The following TAFA2 variants were observed in gnomAD, a reference collection of about 807,000 sequenced individuals.
TAFA2 encodes the protein chemokine-like protein TAFA-2.
Under a neutral mutation model 18.8 loss-of-function variants are expected in TAFA2, and 7 were observed. The ratio of observed to expected loss-of-function variants is 0.37; its 90% CI spans 0.21 to 0.70. The LOEUF (loss-of-function observed/expected upper bound fraction) is 0.70, where lower values mean the gene tolerates loss of function less well. TAFA2 is among the 30% of genes least tolerant of loss of function. TAFA2 has a pLI of 0.53. For missense variants in TAFA2, 122 were observed against 158.1 expected (o/e 0.77, Z 1.23); for synonymous variants, 60 against 54.2 (o/e 1.11, Z -0.47).
At chr12:61,891,865 A>T (rs541423249) in intron 1 of TAFA2, among the ~76,000 whole-genome samples, 1 of 152,204 alleles carries the variant, frequency 6.6e-6, no homozygotes, top group South Asian at 2.1e-4. Flanking sequence ...AAGAACTGGG[A>T]TTTATTCAAA....
chr12:62,077,435 A>T (rs1296115879), intron 1 of TAFA2, among the ~76,000 whole-genome samples: 1 of 152,218 alleles, frequency 6.6e-6, no homozygotes, highest in Admixed American at 6.5e-5. Context: ...ATTAGAAAAG[A>T]GGAAAGCTTG....
At chr12:62,210,184 T>TATAAATAA (rs1260122366) in intron 1 of TAFA2, among the ~76,000 whole-genome samples, 4 of 93,560 alleles carry the variant, frequency 4.3e-5, no homozygotes, top group Non-Finnish European at 9.1e-5. Context: ...AGACTCTGTC[T>TATAAATAA]CTAAATAAAT....
At chr12:61,959,457 C>A (rs934760923) in intron 1 of TAFA2, among the ~76,000 whole-genome samples, 2 of 152,010 alleles carry the variant, frequency 1.3e-5, no homozygotes, top group South Asian at 2.1e-4. Flanking sequence ...GCATTTCTTG[C>A]TAGAGTAAAG....
intron 1 of TAFA2, among the ~76,000 whole-genome samples, chr12:62,029,393 A>G (rs1290638350): frequency 4.6e-5 from 7 of 152,264 alleles, no homozygotes; most frequent in Admixed American, 3.3e-4. Flanking sequence ...TTTTATTGAT[A>G]AGAAAATTAT....
intron 4 of TAFA2, among the ~76,000 whole-genome samples, chr12:61,751,951 G>A (rs932131015): frequency 1.8e-4 from 28 of 151,748 alleles, no homozygotes; most frequent in African/African-American, 6.3e-4. Context: ...TTTAAAGGTC[G>A]ACCTCTTAAG....
At chr12:61,763,421 T>C (rs77906268) in intron 2 of TAFA2, among the ~76,000 whole-genome samples, 1,810 of 152,070 alleles carry the variant, frequency 0.012, 48 homozygotes, top group East Asian at 0.1. Context: ...AAAGGGAGAT[T>C]CACTCATGGG....
chr12:62,199,813 T>C (rs1231185196), intron 1 of TAFA2, among the ~76,000 whole-genome samples: 1 of 152,110 alleles, frequency 6.6e-6, no homozygotes, highest in Non-Finnish European at 1.5e-5. Flanking sequence ...TGGTCCTAGG[T>C]CTCTGAGGAA....
At chr12:62,062,958 CTCTT>C (rs1882391098) in intron 1 of TAFA2, among the ~76,000 whole-genome samples, 1 of 152,064 alleles carries the variant, frequency 6.6e-6, no homozygotes, top group South Asian at 2.1e-4. Flanking sequence ...TTTCTTCTTT[CTCTT>C]TCTGTCTTAT....
chr12:61,782,037 G>A (rs1450617887), intron 2 of TAFA2, among the ~76,000 whole-genome samples: 1 of 151,578 alleles, frequency 6.6e-6, no homozygotes, highest in African/African-American at 2.4e-5. Flanking sequence ...TTTGAGACTA[G>A]GAGGAACGGT....
chr12:61,825,069 G>A (rs1011190849), intron 2 of TAFA2, among the ~76,000 whole-genome samples: 6 of 152,110 alleles, frequency 3.9e-5, no homozygotes, highest in African/African-American at 1.4e-4. Context: ...GATACATGGA[G>A]GAGAATATTT....
intron 1 of TAFA2, among the ~76,000 whole-genome samples, chr12:62,041,789 A>G (rs1881763246): frequency 6.6e-6 from 1 of 152,152 alleles, no homozygotes; most frequent in South Asian, 2.1e-4. Context: ...TATGCTTAAG[A>G]TTACATAAAG....
In TAFA2 at chr12:61,754,987, T is replaced by A. The variant is rs750335899; in HGVS notation, c.144A>T (p.Ala48=). 6.2e-7 allele frequency: 1 copy of A among 1,612,832 alleles called. No individual in the cohort carries two copies. The highest frequency in any genetic ancestry group is 1.1e-5 in the South Asian group (1 of 91,042). Residue 48 remains alanine, a synonymous_variant, in exon 3 of 5, where the codon GCA becomes GCT. Transcript: ENST00000416284. ...HVKTGTCEVV[A]LHRCCNKNKI... ...TGTTCTTATTACAGCATCTGTGGAG[T>A]GCCACCACCTCACAAGTTCCCGTTT... is the stretch of plus-strand genomic sequence containing the variant.
chr12:61,739,539 G>A (rs897238132), intron 4 of TAFA2, among the ~76,000 whole-genome samples: 1 of 151,964 alleles, frequency 6.6e-6, no homozygotes, highest in Non-Finnish European at 1.5e-5. Context: ...ATAGTGATGT[G>A]AAACAGTTTT....
rs908506760 is a variant in TAFA2, at chr12:61,867,552, G to C, written c.-1-126C>G. On this transcript the variant is annotated intron_variant, in intron 1 of 4. Transcript: ENST00000416284. ...TCAACTTCTGAAAACTGTATTTCTTGTATTTAAAATGCTGTTCACTGTATA... is the reference window on the plus strand; with the variant it reads ...TCAACTTCTGAAAACTGTATTTCTTCTATTTAAAATGCTGTTCACTGTATA... The C allele has an allele frequency of 6.6e-6, 4 of 604,674 alleles. No homozygotes were observed. In the African/African-American group the frequency reaches 7.5e-5, roughly 11 times the overall value. 37.5% of individuals were successfully genotyped at this position (604,674 alleles called of 1,614,324 possible).
At chr12:61,877,924 T>TACACACACACAC (rs57233464) in intron 1 of TAFA2, among the ~76,000 whole-genome samples, 3 of 146,966 alleles carry the variant, frequency 2.0e-5, no homozygotes, top group Admixed American at 6.8e-5. Flanking sequence ...TATATATATA[T>TACACACACACAC]ACACACACAC....
At chr12:62,204,285 C>T (rs1482457657) in intron 1 of TAFA2, among the ~76,000 whole-genome samples, 1 of 152,050 alleles carries the variant, frequency 6.6e-6, no homozygotes, top group African/African-American at 2.4e-5. Context: ...TCCTTCATTT[C>T]GACCTTGGAG....
chr12:62,022,530 T>A lies in TAFA2; in HGVS notation c.-1-155104A>T, dbSNP rs117047029. Among the ~76,000 whole-genome samples, 114 of 152,340 alleles carry A rather than the reference T, an allele frequency of 7.5e-4. 3 individuals are homozygous for A. The East Asian group carries it at 0.02, about 26-fold the overall frequency. ...AGCTAGTACTTTTTGAGTGTTACCA[T>A]GTGCCAGGAACTTGCTAAGTGCTTC... On this transcript the variant is annotated intron_variant, in intron 1 of 4. Coordinates refer to ENST00000416284, the MANE Select transcript of TAFA2 (RefSeq NM_178539.5).
chr12:62,113,268 T>C lies in TAFA2; in HGVS notation c.-2+77991A>G, dbSNP rs183373649. 1.8e-3 allele frequency among the ~76,000 whole-genome samples: 275 copies of C among 152,308 alleles called. 1 individual carries two copies. Among genetic ancestry groups the C allele is most frequent in the Non-Finnish European group, 2.7e-3 (185 of 68,014 alleles). On this transcript the variant is annotated intron_variant, in intron 1 of 4. Transcript: ENST00000416284. ...CTGCTGCAGGTCTGCTGGAGTTTGC[T>C]GAAAGTCCACTCCAGACCCCGTTTC...
At chr12:62,193,173 G>A (rs2062634804), upstream of TAFA2, among the ~76,000 whole-genome samples, 1 of 152,162 alleles carries the variant, frequency 6.6e-6, no homozygotes, top group Admixed American at 6.5e-5. Flanking sequence ...GTTTGGAGAT[G>A]AGCAAAACCT....
Sources: gnomAD v4.1 joint callset for allele counts (sites outside exome capture counted in the v4.1 genomes callset) on GRCh38, gnomAD v4.1.1 for gene constraint, MANE v1.5 for transcripts, NCBI Gene and HGNC (gene_info 2026-07-23, HGNC 2026-07-21) for gene names.